Variants in BUD23 observed in about 807,000 individuals in gnomAD.
BUD23 encodes 18S rRNA (guanine-N(7))-methyltransferase.
Under a neutral mutation model 47.0 loss-of-function variants are expected in BUD23, and 34 were observed. The ratio of observed to expected loss-of-function variants is 0.72; its 90% CI spans 0.55 to 0.96. BUD23 has a LOEUF of 0.96. Among genes scored for constraint, BUD23 ranks in the 40% least tolerant of loss-of-function variants. The pLI is 0.00. For synonymous variants in BUD23, 124 were observed against 132.0 expected, an observed-to-expected ratio of 0.94 and a Z score of 0.41; for missense variants, 343 against 361.2, an observed-to-expected ratio of 0.95 and a Z score of 0.41.
rs369020458 is a variant in BUD23 at position 73,690,902 on chromosome 7, C to T, written c.363-14C>T. The T allele has an allele frequency of 3.7e-5, 59 of 1,612,268 alleles. No individual in the cohort carries two copies. Among genetic ancestry groups the T allele is most frequent in the Non-Finnish European group, 4.8e-5 (57 of 1,178,458 alleles). On this transcript the variant is annotated splice_polypyrimidine_tract_variant and intron_variant, in intron 5 of 11. Coordinates refer to ENST00000265758, the MANE Select transcript of BUD23 (RefSeq NM_017528.5). ...GGATTGCTCCGTTGCCTGACTAGGT[C>T]CCTTCCTTTTTAGCATTTCTGCTGT...
chr7:73,685,956 C>T (rs1369801619), intron 2 of BUD23, among the ~76,000 whole-genome samples: 2 of 151,640 alleles, frequency 1.3e-5, no homozygotes, highest in Non-Finnish European at 2.9e-5. Flanking sequence ...ATTAGCCGGG[C>T]GTGGCGGCGG....
intron 2 of BUD23, among the ~76,000 whole-genome samples, chr7:73,686,064 C>T (rs1232192797): frequency 1.3e-5 from 2 of 150,938 alleles, no homozygotes; most frequent in African/African-American, 4.9e-5. Context: ...CCACTGCACT[C>T]CAGCCTGGGC....
chr7:73,690,428 G>T (rs1554613830), intron 5 of BUD23, among the ~76,000 whole-genome samples: 1 of 152,144 alleles, frequency 6.6e-6, no homozygotes, highest in African/African-American at 2.4e-5. Context: ...TGTTTCCTTG[G>T]ATTGGAGGAA....
At chr7:73,694,143 A>G in intron 10 of BUD23, 93 bp downstream of exon 10, 1 of 1,341,242 alleles carries the variant, frequency 7.5e-7, no homozygotes, top group Non-Finnish European at 1.0e-6. Context: ...CAAGCCTCTC[A>G]GGTCACATGC....
intron 6 of BUD23, among the ~76,000 whole-genome samples, chr7:73,691,851 G>A (rs1312408378): frequency 2.0e-5 from 3 of 151,946 alleles, no homozygotes; most frequent in African/African-American, 7.3e-5. Flanking sequence ...GCAATTGTCT[G>A]GCATCAGGCT....
chr7:73,693,076 TGAG>T, intron 7 of BUD23: 1 of 572,794 alleles, frequency 1.7e-6, no homozygotes. Flanking sequence ...TCCCTAAACT[TGAG>T]TGGGGAGCTG....
In BUD23 at chr7:73,684,083, C is replaced by T. The variant is rs1797841577; in HGVS notation, c.86+279C>T. 9.6e-6 allele frequency: 11 copies of T among 1,140,148 alleles called. 1 individual carries two copies. The highest frequency in any genetic ancestry group is 8.4e-5 in the South Asian group (5 of 59,866). 70.6% of individuals were successfully genotyped at this position (1,140,148 alleles called of 1,614,324 possible). A position where few individuals can be genotyped will look rare whatever the true frequency, so the allele number is the denominator to read the frequency against. On this transcript the variant is annotated intron_variant, in intron 2 of 11. Transcript: ENST00000265758. ...TGTCCTAAACATGTGGTAAAAGAGGCGCTGGGCGGTGGGTACGGGCGAGGG... is the reference window on the plus strand; with the variant it reads ...TGTCCTAAACATGTGGTAAAAGAGGTGCTGGGCGGTGGGTACGGGCGAGGG...
chr7:73,685,375 C>T (rs1584211314), intron 2 of BUD23, among the ~76,000 whole-genome samples: 1 of 152,190 alleles, frequency 6.6e-6, no homozygotes. Flanking sequence ...TGATCCCTGC[C>T]GACTGCAGCC....
intron 5 of BUD23, among the ~76,000 whole-genome samples, chr7:73,689,476 C>T (rs997666920): frequency 2.6e-5 from 4 of 152,010 alleles, no homozygotes; most frequent in African/African-American, 9.7e-5. Flanking sequence ...GGACATGGAC[C>T]AGGCAACTGA....
In BUD23 at chr7:73,694,641, C is replaced by T. The variant is rs1798327702; in HGVS notation, c.701+591C>T. 4 of 152,724 alleles carry T rather than the reference C, an allele frequency of 2.6e-5. No individual in the cohort carries two copies. The South Asian group carries it at 8.2e-4, about 31-fold the overall frequency. 9.5% of individuals were successfully genotyped at this position (152,724 alleles called of 1,614,324 possible). On this transcript the variant is annotated intron_variant, in intron 10 of 11. Transcript: ENST00000265758. ...TTCTTGTCAACTCCACCACCAATTT[C>T]CATCAAGCCACATCTGGTCACTTGT...
rs75702804 is a variant in BUD23, at chr7:73,684,603, TA to T, written c.86+813del. Among the ~76,000 whole-genome samples the T allele has an allele frequency of 1.3e-3, 82 of 63,848 alleles. 1 individual carries two copies. The highest frequency in any genetic ancestry group is 6.0e-3 in the African/African-American group (78 of 13,070). 41.9% of individuals were successfully genotyped at this position (63,848 alleles called of 152,430 possible). On this transcript the variant is annotated intron_variant, in intron 2 of 11. Coordinates refer to ENST00000265758, the MANE Select transcript of BUD23 (RefSeq NM_017528.5). The stretch of plus-strand genomic sequence containing the variant: ...CGTGAGCCAGCGCACCTCGAGTCGT[TA>T]AAAAAAAAAAAAAGGGGGGGGGATG...
At chr7:73,694,408 T>C (rs1798314688) in intron 10 of BUD23, 2 of 234,444 alleles carry the variant, frequency 8.5e-6, no homozygotes. Context: ...ATCCTCATCT[T>C]GACTCTCCTG....
chr7:73,697,681 A>G lies in BUD23; in HGVS notation c.778A>G (p.Arg260Gly). ...GGTGCTGGAGAAGAAGGAGCGGCAC[A>G]GGCGCCAGGGCAGGTGAGTGCCAGC... ...AWVLEKKERHRRQGREVRPDT... is the reference protein window; with the variant it reads ...AWVLEKKERHGRQGREVRPDT... The change falls in exon 11 of 12, where the codon AGG becomes GGG. Residue 260 changes from arginine (R) to glycine (G), a missense_variant. By Grantham distance (125) the Arg-to-Gly change is moderately radical. Coordinates refer to ENST00000265758, the MANE Select transcript of BUD23 (RefSeq NM_017528.5). 6.2e-7 allele frequency: 1 copy of G among 1,613,460 alleles called. No individual in the cohort carries two copies. Among genetic ancestry groups the G allele is most frequent in the Non-Finnish European group, 8.5e-7 (1 of 1,179,766 alleles).
At chr7:73,691,979 C>T (rs1418983212) in intron 6 of BUD23, among the ~76,000 whole-genome samples, 15 of 152,104 alleles carry the variant, frequency 9.9e-5, no homozygotes, top group African/African-American at 3.1e-4. Flanking sequence ...CCTAGTTTTC[C>T]TGGGGTGGAC....
intron 2 of BUD23, among the ~76,000 whole-genome samples, chr7:73,684,420 C>T (rs941875932): frequency 6.6e-6 from 1 of 151,514 alleles, no homozygotes; most frequent in Non-Finnish European, 1.5e-5. Context: ...TCCCCTCTGC[C>T]TCTCCAGTAG....
Position 73,693,363 on chromosome 7 carries a change from G to A in BUD23, c.545G>A (p.Gly182Asp). The A allele has an allele frequency of 6.2e-7, 1 of 1,614,200 alleles. No individual in the cohort carries two copies. The highest frequency in any genetic ancestry group is 8.5e-7 in the Non-Finnish European group (1 of 1,180,028). ...ATCACAACCCAGGCCACAAAGGCAGGCTTCTCCGGTGGCATGGTGGTAGAC... is the reference window on the plus strand; with the variant it reads ...ATCACAACCCAGGCCACAAAGGCAGACTTCTCCGGTGGCATGGTGGTAGAC... ...ELITTQATKA[G>D]FSGGMVVDYP... The change falls in exon 8 of 12, where the codon GGC becomes GAC. Residue 182 changes from glycine to aspartate, a missense_variant. By Grantham distance (94) the Gly-to-Asp change is moderately conservative. Coordinates refer to ENST00000265758, the MANE Select transcript of BUD23 (RefSeq NM_017528.5).
chr7:73,693,234 C>T, intron 7 of BUD23, 95 bp from the exon 8 acceptor site: 1 of 1,181,148 alleles, frequency 8.5e-7, no homozygotes, highest in Non-Finnish European at 1.2e-6. Context: ...CAGGATTTGT[C>T]CTGGAGCAGA....
chr7:73,684,118 G>A, intron 2 of BUD23: 1 of 739,742 alleles, frequency 1.4e-6, no homozygotes, highest in Non-Finnish European at 2.1e-6. Context: ...GGTCAGTCCT[G>A]GTGGGGGGAA....
chr7:73,697,560 C>T (rs782464470), intron 10 of BUD23, 45 bp from the exon 11 acceptor site: 2 of 1,613,142 alleles, frequency 1.2e-6, no homozygotes. Context: ...CGGGCAGCCC[C>T]ATCCATCAGC....
Sources: gnomAD v4.1 joint callset for allele counts (sites outside exome capture counted in the v4.1 genomes callset) on GRCh38, gnomAD v4.1.1 for gene constraint, MANE v1.5 for transcripts, NCBI Gene and HGNC (gene_info 2026-07-23, HGNC 2026-07-21) for gene names.